The following LPP variants were observed in gnomAD, a reference collection of about 807,000 sequenced individuals.
The protein encoded by LPP is LIM domain containing preferred translocation partner in lipoma.
In LPP, 38 loss-of-function variants were observed where a neutral mutation model predicts 60.4. That is an observed-to-expected ratio of 0.63 (90% CI 0.49 to 0.83). LPP has a LOEUF of 0.83. LPP is among the 40% of genes least tolerant of loss of function. The pLI, the probability that LPP is intolerant of heterozygous loss-of-function variation, is 0.00. For synonymous variants in LPP, 328 were observed against 290.8 expected, an observed-to-expected ratio of 1.13 and a Z score of -1.30; for missense variants, 902 against 783.6, an observed-to-expected ratio of 1.15 and a Z score of -1.80.
At chr3:188,559,363 C>A (rs1159061411) in intron 6 of LPP, among the ~76,000 whole-genome samples, 2 of 151,928 alleles carry the variant, frequency 1.3e-5, no homozygotes. Flanking sequence ...TGTAGTGTAA[C>A]CTGTTCAGGA....
chr3:188,771,563 A>AG (rs1553842317), intron 9 of LPP, among the ~76,000 whole-genome samples: 65 of 95,114 alleles, frequency 6.8e-4, no homozygotes, highest in South Asian at 1.3e-3. Context: ...AAAAAAAAAA[A>AG]AAAGAAAGAA....
At chr3:188,284,409 A>C (rs1274071411) in intron 2 of LPP, among the ~76,000 whole-genome samples, 1 of 152,110 alleles carries the variant, frequency 6.6e-6, no homozygotes, top group African/African-American at 2.4e-5. Context: ...GCTTACGGGA[A>C]GGATGGGCAG....
chr3:188,172,227 A>G (rs1721789180), intron 1 of LPP, among the ~76,000 whole-genome samples: 1 of 152,212 alleles, frequency 6.6e-6, no homozygotes, highest in South Asian at 2.1e-4. Flanking sequence ...TTCCAGAAGC[A>G]TCTGGAAAAC....
intron 2 of LPP, among the ~76,000 whole-genome samples, chr3:188,304,614 A>G (rs1449043590): frequency 6.6e-6 from 1 of 152,136 alleles, no homozygotes; most frequent in African/African-American, 2.4e-5. Context: ...TGTTATCCCA[A>G]ATAAAGGCTG....
At chr3:188,537,234 G>A (rs1295099444) in intron 6 of LPP, among the ~76,000 whole-genome samples, 2 of 151,852 alleles carry the variant, frequency 1.3e-5, no homozygotes, top group Admixed American at 6.6e-5. Context: ...GTTTGCAGCT[G>A]TGCTAGCACA....
intron 1 of LPP, among the ~76,000 whole-genome samples, chr3:188,185,916 G>T (rs975368857): frequency 6.6e-6 from 1 of 152,130 alleles, no homozygotes; most frequent in Non-Finnish European, 1.5e-5. Context: ...CCCATAAATG[G>T]GTCTTAAATG....
intron 9 of LPP, among the ~76,000 whole-genome samples, chr3:188,801,941 A>AG (rs1747394850): frequency 2.0e-5 from 3 of 152,242 alleles, no homozygotes; most frequent in Admixed American, 2.0e-4. Flanking sequence ...CGGTAACTGC[A>AG]GGAATTCAAT....
At chr3:188,242,593 A>G (rs1210905412) in intron 2 of LPP, among the ~76,000 whole-genome samples, 1 of 152,176 alleles carries the variant, frequency 6.6e-6, no homozygotes, top group Non-Finnish European at 1.5e-5. Context: ...ACTTACAGTC[A>G]GGAGTAGAGA....
Position 188,874,357 on chromosome 3 carries a change from G to A in LPP, c.1717G>A (p.Gly573Ser), listed in dbSNP as rs9830664. The A allele has an allele frequency of 3.0e-3, 4,834 of 1,613,310 alleles. 17 individuals carry two copies. Among genetic ancestry groups the A allele is most frequent in the Admixed American group, 4.3e-3 (260 of 59,938 alleles). The stretch of plus-strand genomic sequence containing the variant: ...TCTGTCTTTACTGTTCTAGGATTGC[G>A]GTGGTCTCCTGTCTGAAGGAGATAA... ...HVHCYRCEDC[G>S]GLLSEGDNQG... Residue 573 changes from glycine (G) to serine (S), a missense_variant, in exon 12 of 12, where the codon GGT becomes AGT. Gly to Ser is a moderately conservative substitution (Grantham distance 56, BLOSUM62 0). Transcript: ENST00000617246.
intron 4 of LPP, among the ~76,000 whole-genome samples, chr3:188,410,964 T>C (rs2054565119): frequency 6.6e-6 from 1 of 152,196 alleles, no homozygotes; most frequent in African/African-American, 2.4e-5. Flanking sequence ...CTCCCACTTA[T>C]AAGTGAGAAC....
intron 8 of LPP, among the ~76,000 whole-genome samples, chr3:188,740,185 T>A (rs1294714327): frequency 2.0e-5 from 3 of 152,050 alleles, no homozygotes; most frequent in Non-Finnish European, 4.4e-5. Flanking sequence ...GAAAGTCAAT[T>A]ACTCTGTTTC....
rs756013067 is a variant in LPP, at chr3:188,828,450, C to CAA, written c.1411-37736_1411-37735dup. On this transcript the variant is annotated intron_variant, in intron 9 of 11. Transcript: ENST00000617246. ...TGAAACCCAGTCTCTACTAAAAATA[C>CAA]AAAAAAAAAAAAAAATTAGCTGGGC... 2.6e-3 allele frequency among the ~76,000 whole-genome samples: 304 copies of CAA among 119,010 alleles called. 2 individuals are homozygous for CAA. Among genetic ancestry groups the CAA allele is most frequent in the African/African-American group, 8.9e-3 (290 of 32,566 alleles). 78.1% of individuals were successfully genotyped at this position (119,010 alleles called of 152,430 possible).
intron 2 of LPP, among the ~76,000 whole-genome samples, chr3:188,262,847 G>A (rs1734158624): frequency 6.6e-6 from 1 of 151,910 alleles, no homozygotes; most frequent in South Asian, 2.1e-4. Context: ...AAAAAAAAGT[G>A]GTAATCTGTG....
chr3:188,389,111 G>C (rs1172812188), intron 3 of LPP, among the ~76,000 whole-genome samples: 3 of 151,846 alleles, frequency 2.0e-5, no homozygotes, highest in Non-Finnish European at 4.4e-5. Context: ...TATTTAAGTT[G>C]TGTGTGTGTA....
At chr3:188,373,330 A>G (rs1773872580) in intron 3 of LPP, among the ~76,000 whole-genome samples, 1 of 152,212 alleles carries the variant, frequency 6.6e-6, no homozygotes, top group Non-Finnish European at 1.5e-5. Context: ...CCAAAAGTGT[A>G]AAAGTGTTCC....
intron 6 of LPP, among the ~76,000 whole-genome samples, chr3:188,546,624 C>A (rs1010323513): frequency 6.6e-6 from 1 of 151,976 alleles, no homozygotes; most frequent in African/African-American, 2.4e-5. Context: ...GAGTAAGTAA[C>A]GATATTTTTA....
chr3:188,241,426 C>A (rs1169899300), intron 2 of LPP, among the ~76,000 whole-genome samples: 1 of 152,212 alleles, frequency 6.6e-6, no homozygotes, highest in Admixed American at 6.5e-5. Context: ...TCATCTTTTT[C>A]TCTTCTCTTC....
At chr3:188,348,694 C>T (rs1301589118) in intron 3 of LPP, among the ~76,000 whole-genome samples, 1 of 152,222 alleles carries the variant, frequency 6.6e-6, no homozygotes, top group Non-Finnish European at 1.5e-5. Context: ...TCAGATCATA[C>T]TCTAGAACTT....
intron 8 of LPP, among the ~76,000 whole-genome samples, chr3:188,744,277 A>G (rs565883038): frequency 3.7e-4 from 57 of 152,232 alleles, no homozygotes; most frequent in Admixed American, 2.5e-3. Context: ...ACTTTATTAT[A>G]TTGATCTCTG....
Sources: allele counts gnomAD v4.1 joint callset (sites outside exome capture counted in the v4.1 genomes callset), GRCh38; gene constraint gnomAD v4.1.1; transcripts MANE v1.5; gene names NCBI Gene and HGNC (gene_info 2026-07-23, HGNC 2026-07-21).